The following TENM4 variants were observed in gnomAD, a reference collection of about 807,000 sequenced individuals.
TENM4 encodes teneurin-4.
In TENM4, 82 loss-of-function variants were observed where a neutral mutation model predicts 243.3. The ratio of observed to expected loss-of-function variants is 0.34; its 90% CI spans 0.28 to 0.40. The LOEUF is 0.40. Ranked by LOEUF, TENM4 falls within the 10% of genes least tolerant of loss-of-function variation. The pLI, the probability that TENM4 is intolerant of heterozygous loss-of-function variation, is 1.00. For missense variants in TENM4, 3,138 were observed against 3,673.3 expected, an observed-to-expected ratio of 0.85 and a Z score of 3.77; for synonymous variants, 1,412 against 1,456.3, an observed-to-expected ratio of 0.97 and a Z score of 0.69.
intron 6 of TENM4, among the ~76,000 whole-genome samples, chr11:78,970,644 C>G (rs997152947): frequency 1.3e-5 from 2 of 152,192 alleles, no homozygotes; most frequent in Non-Finnish European, 2.9e-5. Context: ...GTCCAAGATC[C>G]TTTCCTCTCT....
At position 78,837,317 on chromosome 11, in the gene TENM4, G is replaced by C. The variant is rs191426229; in HGVS notation, c.1681+16787C>G. Among the ~76,000 whole-genome samples the C allele has an allele frequency of 3.7e-3, 565 of 152,282 alleles. 4 individuals are homozygous for C. Among genetic ancestry groups the C allele is most frequent in the African/African-American group, 0.013 (550 of 41,556 alleles). On this transcript the variant is annotated intron_variant, in intron 12 of 33. Coordinates refer to ENST00000278550, the MANE Select transcript of TENM4 (RefSeq NM_001098816.3). ...CTCATTCTCTCTTGTGTGCCACCAG[G>C]TAAGATGTGCTGTTTGCTGTTTGCC... is the stretch of plus-strand genomic sequence containing the variant.
intron 3 of TENM4, among the ~76,000 whole-genome samples, chr11:79,156,987 C>A (rs1862635459): frequency 6.6e-6 from 1 of 152,116 alleles, no homozygotes; most frequent in South Asian, 2.1e-4. Flanking sequence ...CCTGCAGGAC[C>A]AAGCATGACA....
At position 79,257,967 on chromosome 11, in the gene TENM4, C is replaced by T. The variant is rs149864947; in HGVS notation, c.-265+39521G>A. ...ACAGCCTGCAGAATGAGAGTCTGCT[C>T]AGGTGCAAGAGTTTAAGCCTTCTTC... On this transcript the variant is annotated intron_variant, in intron 2 of 33. Coordinates refer to ENST00000278550, the MANE Select transcript of TENM4 (RefSeq NM_001098816.3). Among the ~76,000 whole-genome samples the T allele has an allele frequency of 3.2e-4, 48 of 152,312 alleles. 1 individual carries two copies. The East Asian group carries it at 9.1e-3, about 29-fold the overall frequency.
At chr11:78,929,061 C>T (rs1856614387) in intron 6 of TENM4, among the ~76,000 whole-genome samples, 1 of 152,200 alleles carries the variant, frequency 6.6e-6, no homozygotes. Flanking sequence ...TACCTCCCTG[C>T]ACCTGCAGCT....
intron 3 of TENM4, among the ~76,000 whole-genome samples, chr11:79,197,755 T>C (rs1863659438): frequency 6.6e-6 from 1 of 152,202 alleles, no homozygotes; most frequent in Non-Finnish European, 1.5e-5. Context: ...CTGGGGGACG[T>C]GGTGGGGGGA....
chr11:79,305,585 T>C (rs1166030329), intron 1 of TENM4, among the ~76,000 whole-genome samples: 1 of 152,102 alleles, frequency 6.6e-6, no homozygotes, highest in Non-Finnish European at 1.5e-5. Context: ...CGTAGATACA[T>C]CCTGAGAAGT....
chr11:79,285,645 A>ATG (rs200413911), intron 2 of TENM4, among the ~76,000 whole-genome samples: 3,331 of 149,462 alleles, frequency 0.022, 63 homozygotes, highest in East Asian at 0.052. Flanking sequence ...AAAATGTGGT[A>ATG]TGTGTGTGTG....
At chr11:79,104,478 C>A (rs1447584285) in intron 4 of TENM4, among the ~76,000 whole-genome samples, 2 of 152,182 alleles carry the variant, frequency 1.3e-5, no homozygotes, top group Non-Finnish European at 2.9e-5. Context: ...GCTTTCTAAT[C>A]TGCTTCCCCA....
At chr11:78,929,011 C>T (rs939994499) in intron 6 of TENM4, among the ~76,000 whole-genome samples, 3 of 152,164 alleles carry the variant, frequency 2.0e-5, no homozygotes, top group Middle Eastern at 3.2e-3. Context: ...TGGCTGGGCC[C>T]GGAGTCTCTG....
At chr11:78,751,536 T>C (rs1364983801) in intron 19 of TENM4, among the ~76,000 whole-genome samples, 1 of 152,184 alleles carries the variant, frequency 6.6e-6, no homozygotes, top group Non-Finnish European at 1.5e-5. Flanking sequence ...CTCTGGGTGG[T>C]TGTAATACTG....
At position 79,240,065 on chromosome 11, in the gene TENM4, T is replaced by G. The variant is rs1054745072; in HGVS notation, c.-264-24156A>C. Among the ~76,000 whole-genome samples the G allele has an allele frequency of 5.3e-5, 8 of 152,274 alleles. No homozygotes were observed. The South Asian group carries it at 1.2e-3, about 24-fold the overall frequency. ...TAAAGTGCTCTAGAGCCAGGCTGCCTGAGTTTCGATCCTGGCTTTGCTATT... is the reference window on the plus strand; with the variant it reads ...TAAAGTGCTCTAGAGCCAGGCTGCCGGAGTTTCGATCCTGGCTTTGCTATT... On this transcript the variant is annotated intron_variant, in intron 2 of 33. Coordinates refer to ENST00000278550, the MANE Select transcript of TENM4 (RefSeq NM_001098816.3).
chr11:79,323,547 G>A (rs946447113), intron 1 of TENM4, among the ~76,000 whole-genome samples: 53 of 152,206 alleles, frequency 3.5e-4, no homozygotes, highest in African/African-American at 1.2e-3. Context: ...TTAATTTTGT[G>A]AGTCAACTTG....
At chr11:79,174,998 T>G (rs753811699) in intron 3 of TENM4, among the ~76,000 whole-genome samples, 25 of 152,318 alleles carry the variant, frequency 1.6e-4, no homozygotes, top group Middle Eastern at 6.8e-3. Context: ...ACTATCTATC[T>G]CTATATCAAT....
At chr11:79,301,540 C>T (rs1856548839) in intron 1 of TENM4, among the ~76,000 whole-genome samples, 2 of 152,158 alleles carry the variant, frequency 1.3e-5, no homozygotes, top group South Asian at 4.1e-4. Flanking sequence ...TCCTTTGCAG[C>T]ACATCTCACA....
chr11:79,098,220 C>G (rs1257926759), intron 4 of TENM4, among the ~76,000 whole-genome samples: 2 of 106,830 alleles, frequency 1.9e-5, no homozygotes, highest in Non-Finnish European at 4.0e-5. Context: ...GTGTCTCCCC[C>G]ACCCCCCCCC....
intron 2 of TENM4, among the ~76,000 whole-genome samples, chr11:79,216,821 G>A (rs2135228683): frequency 6.6e-6 from 1 of 152,290 alleles, no homozygotes; most frequent in South Asian, 2.1e-4. Context: ...AAACTACCCA[G>A]TCTGAGGCAT....
intron 6 of TENM4, chr11:78,903,850 T>A (rs1213098051): frequency 5.0e-6 from 3 of 598,246 alleles, no homozygotes; most frequent in Non-Finnish European, 9.4e-6. Flanking sequence ...AGGACGTGGT[T>A]TTTAAAGTGT....
intron 24 of TENM4, 119 bp downstream of exon 24, chr11:78,722,549 C>A (rs1855413488): frequency 1.4e-6 from 2 of 1,386,682 alleles, no homozygotes; most frequent in African/African-American, 2.9e-5. Context: ...GTCTCAGAGC[C>A]TGACGGGCAA....
chr11:79,172,905 T>A (rs990160491), intron 3 of TENM4, among the ~76,000 whole-genome samples: 5 of 152,180 alleles, frequency 3.3e-5, no homozygotes, highest in African/African-American at 1.2e-4. Context: ...CCTCCCAAAG[T>A]GCTGGGATTA....
Sources: gnomAD v4.1 joint callset for allele counts (sites outside exome capture counted in the v4.1 genomes callset) on GRCh38, gnomAD v4.1.1 for gene constraint, MANE v1.5 for transcripts, NCBI Gene and HGNC (gene_info 2026-07-23, HGNC 2026-07-21) for gene names.